CHIC1: variants seen among roughly 807,000 people sequenced by gnomAD.
The protein encoded by CHIC1 is cysteine rich hydrophobic domain 1.
Under a neutral mutation model 18.5 loss-of-function variants are expected in CHIC1, and 7 were observed. The ratio of observed to expected loss-of-function variants is 0.38; its 90% CI spans 0.22 to 0.71. The LOEUF is 0.71. Among genes scored for constraint, CHIC1 ranks in the 30% least tolerant of loss-of-function variants. The pLI, the probability that CHIC1 is intolerant of heterozygous loss-of-function variation, is 0.49. For missense variants in CHIC1, 159 were observed against 176.9 expected, an observed-to-expected ratio of 0.90 and a Z score of 0.57; for synonymous variants, 77 against 73.5, an observed-to-expected ratio of 1.05 and a Z score of -0.25.
chrX:73,657,447 C>T (rs1842172277), intron 3 of CHIC1, among the ~76,000 whole-genome samples: 1 of 111,717 alleles, frequency 9.0e-6, no homozygotes, highest in Non-Finnish European at 1.9e-5. Context: ...TATAGGAATG[C>T]CAGTGATTTT....
chrX:73,646,827 G>A (rs369616698), intron 3 of CHIC1, among the ~76,000 whole-genome samples: 7 of 111,573 alleles, frequency 6.3e-5, no homozygotes, highest in East Asian at 2.8e-4. Context: ...TTGTAATTCC[G>A]TTTGTCTATT....
chrX:73,636,934 TTAC>T (rs2057833770), intron 3 of CHIC1, among the ~76,000 whole-genome samples: 1 of 111,633 alleles, frequency 9.0e-6, no homozygotes, highest in African/African-American at 3.3e-5. Flanking sequence ...ATGCAGTATA[TTAC>T]AATATAATAA....
At chrX:73,577,745 AT>A (rs2057507082) in intron 2 of CHIC1, among the ~76,000 whole-genome samples, 1 of 109,629 alleles carries the variant, frequency 9.1e-6, no homozygotes, top group African/African-American at 3.3e-5. Flanking sequence ...AATTGTTTTT[AT>A]TTGGGTCATT....
At chrX:73,678,771 C>G (rs1192525533) in intron 3 of CHIC1, among the ~76,000 whole-genome samples, 2 of 112,077 alleles carry the variant, frequency 1.8e-5, no homozygotes, top group African/African-American at 6.5e-5. Flanking sequence ...AGTTTTTCCA[C>G]TGGCTGTTTT....
intron 3 of CHIC1, among the ~76,000 whole-genome samples, chrX:73,650,695 A>T (rs2057911902): frequency 2.1e-5 from 1 of 47,504 alleles, no homozygotes; most frequent in Admixed American, 3.1e-4. Context: ...TTAATAGCCT[A>T]CCAACCAAAA....
intron 3 of CHIC1, among the ~76,000 whole-genome samples, chrX:73,678,225 A>G (rs1423633241): frequency 8.9e-6 from 1 of 111,908 alleles, no homozygotes; most frequent in Non-Finnish European, 1.9e-5. Flanking sequence ...TTAGTGGCTC[A>G]GGCTGCAGTT....
chrX:73,601,205 C>G (rs2057646759), intron 3 of CHIC1, among the ~76,000 whole-genome samples: 1 of 104,607 alleles, frequency 9.6e-6, no homozygotes, highest in Non-Finnish European at 1.9e-5. Flanking sequence ...CTGCACCAAG[C>G]AGACCTAATA....
intron 3 of CHIC1, among the ~76,000 whole-genome samples, chrX:73,639,867 G>T (rs2057847178): frequency 9.0e-6 from 1 of 111,557 alleles, no homozygotes; most frequent in Non-Finnish European, 1.9e-5. Flanking sequence ...ACTGATTTTT[G>T]TATGTTGATT....
chrX:73,599,614 C>G (rs1475899776), intron 3 of CHIC1, among the ~76,000 whole-genome samples: 1 of 103,171 alleles, frequency 9.7e-6, no homozygotes, highest in Non-Finnish European at 1.9e-5. Context: ...GCTTGTTTTT[C>G]TCAGGTTTGT....
At chrX:73,677,834 A>G (rs1054586860) in intron 3 of CHIC1, among the ~76,000 whole-genome samples, 1 of 111,798 alleles carries the variant, frequency 8.9e-6, no homozygotes, top group Non-Finnish European at 1.9e-5. Flanking sequence ...CGTCGCTCAC[A>G]CTGGGAGCTG....
intron 3 of CHIC1, among the ~76,000 whole-genome samples, chrX:73,672,873 T>C (rs770734261): frequency 2.7e-5 from 3 of 111,728 alleles, no homozygotes; most frequent in African/African-American, 9.9e-5. Context: ...TCCCTAGGTT[T>C]TCTTCTAGGG....
At chrX:73,589,388 A>G (rs994363312) in intron 3 of CHIC1, among the ~76,000 whole-genome samples, 26 of 110,650 alleles carry the variant, frequency 2.3e-4, no homozygotes, top group African/African-American at 8.5e-4. Context: ...TGTACTGTAT[A>G]CCTTATTTCC....
chrX:73,647,460 G>A (rs1159703149), intron 3 of CHIC1, among the ~76,000 whole-genome samples: 2 of 112,019 alleles, frequency 1.8e-5, no homozygotes, highest in Non-Finnish European at 3.8e-5. Context: ...AACACACTAA[G>A]CTCCATGGGC....
At chrX:73,568,364 G>A (rs1311675629) in intron 1 of CHIC1, among the ~76,000 whole-genome samples, 1 of 111,630 alleles carries the variant, frequency 9.0e-6, no homozygotes, top group Non-Finnish European at 1.9e-5. Flanking sequence ...CATACTACTT[G>A]TATTTCCAAT....
At chrX:73,679,434 A>G in intron 4 of CHIC1, 52 bp downstream of exon 4, 1 of 867,341 alleles carries the variant, frequency 1.2e-6, no homozygotes, top group Non-Finnish European at 1.7e-6. Flanking sequence ...GCAGCATTAA[A>G]TTGAAAAATA....
intron 3 of CHIC1, among the ~76,000 whole-genome samples, chrX:73,638,711 G>A (rs762082688): frequency 1.8e-5 from 2 of 110,959 alleles, no homozygotes; most frequent in Non-Finnish European, 3.8e-5. Flanking sequence ...CTCTGTGTCT[G>A]TTGTTTCCCT....
Position 73,607,490 on chromosome X carries a change from C to T in CHIC1, c.507+22918C>T, listed in dbSNP as rs1247812017. Among the ~76,000 whole-genome samples the T allele has an allele frequency of 3.7e-5, 4 of 107,295 alleles. 1 individual carries two copies. The highest frequency in any genetic ancestry group is 1.5e-4 in the African/African-American group (4 of 27,482). 93.2% of individuals were successfully genotyped at this position (107,295 alleles called of 115,157 possible). A position where few individuals can be genotyped will look rare whatever the true frequency, so the allele number is the denominator to read the frequency against. ...TCAGCCCCCTTTCCAGGGGAGTGAA[C>T]ATTTCTATCTCGCTGACATTCCAGG... On this transcript the variant is annotated intron_variant, in intron 3 of 5. Transcript: ENST00000373502.
At chrX:73,642,947 G>C (rs958132343) in intron 3 of CHIC1, among the ~76,000 whole-genome samples, 6 of 110,951 alleles carry the variant, frequency 5.4e-5, no homozygotes, top group African/African-American at 2.0e-4. Context: ...TTTGAAGTCA[G>C]GTAGCGTGAT....
intron 2 of CHIC1, among the ~76,000 whole-genome samples, chrX:73,579,325 A>G (rs763468066): frequency 1.2e-4 from 13 of 110,488 alleles, no homozygotes; most frequent in African/African-American, 3.3e-4. Context: ...GAGACAGCAT[A>G]TATAAAATTC....
Sources: gnomAD v4.1 joint callset for allele counts (sites outside exome capture counted in the v4.1 genomes callset) on GRCh38, gnomAD v4.1.1 for gene constraint, MANE v1.5 for transcripts, NCBI Gene and HGNC (gene_info 2026-07-23, HGNC 2026-07-21) for gene names.